TSNARE1: variants seen among roughly 807,000 people sequenced by gnomAD.
The protein encoded by TSNARE1 is t-SNARE domain containing 1, also known as t-SNARE domain-containing protein 1.
Under a neutral mutation model 62.0 loss-of-function variants are expected in TSNARE1, and 49 were observed. The observed-to-expected ratio is 0.79, with a 90% CI of 0.63 to 1.00. TSNARE1 has a LOEUF of 1.00. TSNARE1 is among the 50% of genes least tolerant of loss of function. The probability of loss-of-function intolerance (pLI) is 0.00; values close to 1 mark genes in which losing one functional copy is unlikely to be tolerated. For synonymous variants in TSNARE1, 328 were observed against 294.4 expected (o/e 1.11, Z -1.17); for missense variants, 755 against 700.1 (o/e 1.08, Z -0.88).
chr8:142,322,036 G>A (rs1045300036), intron 6 of TSNARE1, among the ~76,000 whole-genome samples: 2 of 152,190 alleles, frequency 1.3e-5, no homozygotes, highest in Non-Finnish European at 1.5e-5. Context: ...ATATATGAAA[G>A]AGATAGTATA....
intron 1 of TSNARE1, among the ~76,000 whole-genome samples, chr8:142,393,442 G>A (rs1239594330): frequency 2.0e-5 from 3 of 152,228 alleles, no homozygotes; most frequent in Non-Finnish European, 4.4e-5. Context: ...CAATCCGCTG[G>A]CTGTGCTACT....
At chr8:142,271,565 G>A (rs1334930706) in intron 12 of TSNARE1, 7 of 1,404,116 alleles carry the variant, frequency 5.0e-6, no homozygotes, top group Non-Finnish European at 6.5e-6. Context: ...AGCAGGTGGG[G>A]AGGGTGAGGA....
chr8:142,339,204 G>A (rs191903259), intron 4 of TSNARE1, among the ~76,000 whole-genome samples: 5 of 152,282 alleles, frequency 3.3e-5, no homozygotes, highest in African/African-American at 1.2e-4. Flanking sequence ...AAACCTTAGT[G>A]TGTGACTGAC....
intron 1 of TSNARE1, among the ~76,000 whole-genome samples, chr8:142,357,497 A>T (rs995275564): frequency 6.6e-6 from 1 of 152,212 alleles, no homozygotes; most frequent in African/African-American, 2.4e-5. Context: ...TGCTGGGGGC[A>T]CGTGAGGGGC....
chr8:142,299,742 A>C (rs1002566398), intron 10 of TSNARE1, among the ~76,000 whole-genome samples: 3 of 152,162 alleles, frequency 2.0e-5, no homozygotes, highest in African/African-American at 7.2e-5. Flanking sequence ...ACACACGTGC[A>C]CACACACATG....
At chr8:142,373,969 G>A (rs1337010456) in intron 1 of TSNARE1, among the ~76,000 whole-genome samples, 1 of 152,112 alleles carries the variant, frequency 6.6e-6, no homozygotes, top group African/African-American at 2.4e-5. Flanking sequence ...TGGAGCAAAG[G>A]GGAAGTCTCC....
intron 10 of TSNARE1, among the ~76,000 whole-genome samples, chr8:142,287,624 C>A (rs1426224346): frequency 8.3e-5 from 11 of 132,304 alleles, no homozygotes; most frequent in African/African-American, 3.3e-4. Flanking sequence ...GAACCCAGGA[C>A]CCCGGCCAGA....
intron 12 of TSNARE1, among the ~76,000 whole-genome samples, chr8:142,250,353 C>T (rs1280286029): frequency 6.6e-6 from 1 of 152,098 alleles, no homozygotes; most frequent in Non-Finnish European, 1.5e-5. Flanking sequence ...AGTTAGAGCT[C>T]CTTGGGGTGC....
intron 12 of TSNARE1, among the ~76,000 whole-genome samples, chr8:142,249,764 C>T (rs1441276084): frequency 6.6e-6 from 1 of 152,170 alleles, no homozygotes; most frequent in Non-Finnish European, 1.5e-5. Flanking sequence ...TCAGGGAGAC[C>T]GTGGCACTCC....
At chr8:142,261,106 G>A (rs1430206541) in intron 12 of TSNARE1, among the ~76,000 whole-genome samples, 6 of 102,522 alleles carry the variant, frequency 5.9e-5, no homozygotes, top group African/African-American at 2.1e-4. Flanking sequence ...AAGAGAGGGG[G>A]AGCAGGGAAG....
chr8:142,261,663 C>T (rs944908425), intron 12 of TSNARE1, among the ~76,000 whole-genome samples: 35 of 152,170 alleles, frequency 2.3e-4, no homozygotes, highest in African/African-American at 8.2e-4. Context: ...GGCCACGGCC[C>T]CGGGGTGGGG....
intron 1 of TSNARE1, among the ~76,000 whole-genome samples, chr8:142,359,968 G>A (rs979113457): frequency 3.3e-5 from 5 of 152,156 alleles, no homozygotes; most frequent in South Asian, 2.1e-4. Context: ...GACTTCACCC[G>A]GACACCATGA....
intron 12 of TSNARE1, among the ~76,000 whole-genome samples, chr8:142,239,838 A>T (rs1817601491): frequency 6.6e-6 from 1 of 152,336 alleles, no homozygotes; most frequent in African/African-American, 2.4e-5. Context: ...AAGCATTAAC[A>T]ATGGTGGATG....
Position 142,229,544 on chromosome 8 carries a change from T to C in TSNARE1, c.1482A>G (p.Ser494=), listed in dbSNP as rs1817004137. The part of the protein sequence containing the change: ...QRHKIKCCFL[S]AGVTALLVII... ...TGACAAGCAGGGCAGTGACTCCAGC[T>C]GATAGGAAGCAGCACTTGATCTTGT... Residue 494 remains serine, a synonymous_variant, in exon 13 of 14, where the codon TCA becomes TCG. Coordinates refer to ENST00000524325, the MANE Select transcript of TSNARE1 (RefSeq NM_145003.5). The C allele has an allele frequency of 6.2e-7, 1 of 1,613,940 alleles. No homozygotes were observed.
intron 12 of TSNARE1, among the ~76,000 whole-genome samples, chr8:142,260,163 C>A (rs1403144225): frequency 6.6e-6 from 1 of 152,124 alleles, no homozygotes; most frequent in Non-Finnish European, 1.5e-5. Context: ...CAGAGCCTGC[C>A]ACCTGGAAGC....
chr8:142,250,580 G>T (rs1818114358), intron 12 of TSNARE1, among the ~76,000 whole-genome samples: 1 of 152,196 alleles, frequency 6.6e-6, no homozygotes, highest in Admixed American at 6.5e-5. Context: ...TTTTCCTTCG[G>T]AGCGTTCTCA....
rs546447443 is a variant in TSNARE1, at chr8:142,217,915, A to C, written c.*12-5602T>G. On this transcript the variant is annotated intron_variant, in intron 13 of 13. Transcript: ENST00000524325. Reference sequence around the variant, plus strand: ...GTGTGTGACCAGGATCAGGGCTCAGAGTGTGAACAGGATCAGGGCTCAGAG... The same window carrying C: ...GTGTGTGACCAGGATCAGGGCTCAGCGTGTGAACAGGATCAGGGCTCAGAG... 9.8e-5 allele frequency among the ~76,000 whole-genome samples: 4 copies of C among 41,012 alleles called. 1 individual carries two copies. The highest frequency in any genetic ancestry group is 6.0e-4 in the African/African-American group (4 of 6,642). The allele number at this position is 41,012 out of a possible 152,430, so 26.9% of individuals were successfully genotyped here. A position where few individuals can be genotyped will look rare whatever the true frequency, so the allele number is the denominator to read the frequency against.
chr8:142,329,363 C>T (rs1308768124), intron 6 of TSNARE1, among the ~76,000 whole-genome samples: 1 of 152,220 alleles, frequency 6.6e-6, no homozygotes, highest in South Asian at 2.1e-4. Context: ...CTCTCCGAGG[C>T]CCACAGCGGG....
chr8:142,285,144 GGTGGATGGATGAATAGATGGGTGA>G (rs1822463636), intron 10 of TSNARE1, among the ~76,000 whole-genome samples: 1 of 152,062 alleles, frequency 6.6e-6, no homozygotes, highest in Non-Finnish European at 1.5e-5. Context: ...TGGATGGGTG[GGTGGATGGATGAATAGATGGGTGA>G]GTGGATGGAT....
Sources: gnomAD v4.1 joint callset for allele counts (sites outside exome capture counted in the v4.1 genomes callset) on GRCh38, gnomAD v4.1.1 for gene constraint, MANE v1.5 for transcripts, NCBI Gene and HGNC (gene_info 2026-07-23, HGNC 2026-07-21) for gene names.